The following LMO7 variants were observed in gnomAD, a reference collection of about 807,000 sequenced individuals.
LMO7 encodes LIM domain only protein 7.
A neutral mutation model predicts 206.5 loss-of-function variants in LMO7; 120 were observed. The observed-to-expected ratio is 0.58, with a 90% confidence interval of 0.50 to 0.68. The LOEUF is 0.68. Among genes scored for constraint, LMO7 ranks in the 30% least tolerant of loss-of-function variants. LMO7 has a pLI of 0.00. For missense variants in LMO7, 1,959 were observed against 1,957.9 expected (o/e 1.00, Z -0.01); for synonymous variants, 706 against 681.5 (o/e 1.04, Z -0.56).
At chr13:75,722,431 G>T (rs986825231) in intron 2 of LMO7, among the ~76,000 whole-genome samples, 2 of 152,028 alleles carry the variant, frequency 1.3e-5, no homozygotes, top group African/African-American at 4.8e-5. Context: ...TGGCCAAAAA[G>T]CATATGGAAA....
chr13:75,854,785 G>C (rs992614189), intron 28 of LMO7, among the ~76,000 whole-genome samples: 1 of 152,190 alleles, frequency 6.6e-6, no homozygotes, highest in African/African-American at 2.4e-5. Context: ...GATCAAGAAA[G>C]AGGGCGAAAA....
chr13:75,783,408 C>G (rs1359386132), intron 4 of LMO7, among the ~76,000 whole-genome samples: 3 of 152,144 alleles, frequency 2.0e-5, no homozygotes, highest in African/African-American at 7.2e-5. Context: ...CTGCAAACTC[C>G]TGCCTCCTGG....
At chr13:75,695,457 CTG>C (rs2041828994) in intron 1 of LMO7, among the ~76,000 whole-genome samples, 1 of 152,264 alleles carries the variant, frequency 6.6e-6, no homozygotes, top group African/African-American at 2.4e-5. Context: ...AGCGATTCTC[CTG>C]TCTCAGCCTC....
At chr13:75,797,554 G>A (rs907957708) in intron 6 of LMO7, among the ~76,000 whole-genome samples, 1 of 152,166 alleles carries the variant, frequency 6.6e-6, no homozygotes, top group Non-Finnish European at 1.5e-5. Context: ...TGTTTCATGG[G>A]TTTCTCTAAT....
intron 10 of LMO7, 44 bp downstream of exon 10, chr13:75,808,243 C>A (rs765417935): frequency 3.1e-5 from 47 of 1,528,184 alleles, no homozygotes; most frequent in Non-Finnish European, 3.8e-5. Context: ...AATGGATGGT[C>A]TTGTGTAACT....
intron 3 of LMO7, chr13:75,760,678 G>C: frequency 6.6e-7 from 1 of 1,518,552 alleles, no homozygotes; most frequent in South Asian, 1.2e-5. Context: ...AATGTTTAAC[G>C]TGCCAGTCAC....
chr13:75,713,296 ATGTG>A, intron 2 of LMO7, 44 bp downstream of exon 2: 2 of 1,339,122 alleles, frequency 1.5e-6, no homozygotes, highest in Non-Finnish European at 1.0e-6. Context: ...AAGCAAAGAT[ATGTG>A]TGTGTGTGAG....
chr13:75,653,977 G>A (rs551787695), intron 1 of LMO7, among the ~76,000 whole-genome samples: 1 of 152,140 alleles, frequency 6.6e-6, no homozygotes, highest in Non-Finnish European at 1.5e-5. Flanking sequence ...TGGATCTCTT[G>A]ATAAAGAGTG....
At chr13:75,818,260 G>C (rs2057248338) in intron 12 of LMO7, among the ~76,000 whole-genome samples, 1 of 152,100 alleles carries the variant, frequency 6.6e-6, no homozygotes, top group African/African-American at 2.4e-5. Flanking sequence ...TTATGCTATA[G>C]GACTAAATGC....
intron 1 of LMO7, among the ~76,000 whole-genome samples, chr13:75,691,048 C>A (rs990616506): frequency 6.6e-6 from 1 of 152,030 alleles, no homozygotes; most frequent in Non-Finnish European, 1.5e-5. Context: ...TTTATTCATA[C>A]ATATTTTACA....
rs919789559 is a variant in LMO7, at chr13:75,834,262, A to G, written c.3101A>G (p.Asp1034Gly). ...PAEFSQLQVD[D>G]EIIAINNTKF... ...GAATTTTCTCAGCTACAAGTAGATG[A>G]TGAAATTATTGCTATTAACAACACC... The change falls in exon 17 of 31, where the codon GAT (aspartate) becomes GGT (glycine). Residue 1034 changes from aspartate to glycine, a missense_variant. Coordinates refer to ENST00000377534, the MANE Select transcript of LMO7 (RefSeq NM_001306080.2). 4.4e-6 allele frequency: 7 copies of G among 1,608,754 alleles called. No homozygotes were observed. The highest frequency in any genetic ancestry group is 5.9e-6 in the Non-Finnish European group (7 of 1,177,672).
intron 3 of LMO7, among the ~76,000 whole-genome samples, chr13:75,745,069 A>G (rs2046726922): frequency 6.6e-6 from 1 of 152,220 alleles, no homozygotes; most frequent in Admixed American, 6.5e-5. Flanking sequence ...TATGAGAAGC[A>G]TTTTAGAAAC....
At chr13:75,760,334 G>A (rs955866678) in intron 3 of LMO7, 5 of 994,448 alleles carry the variant, frequency 5.0e-6, no homozygotes, top group Non-Finnish European at 6.0e-6. Context: ...CACAAACTAT[G>A]CAATTTAGCC....
chr13:75,664,423 T>G (rs1475992274), intron 1 of LMO7, among the ~76,000 whole-genome samples: 1 of 152,200 alleles, frequency 6.6e-6, no homozygotes, highest in East Asian at 1.9e-4. Context: ...TATCTGTTCA[T>G]CTGCTGATGG....
chr13:75,680,873 A>C (rs1331108303), intron 1 of LMO7, among the ~76,000 whole-genome samples: 2 of 151,984 alleles, frequency 1.3e-5, no homozygotes, highest in Non-Finnish European at 2.9e-5. Context: ...TGCCATTTTG[A>C]CTGGTATCTC....
At position 75,859,560 on chromosome 13, in the gene LMO7, T is replaced by G. The variant is rs1447508513; in HGVS notation, c.*1617T>G. ...GTTTCTAAGATCAAACATTTTAATA[T>G]GTGCATGTTATATATAAATATGTAA... On this transcript the variant is annotated 3_prime_UTR_variant, in exon 31 of 31. Transcript: ENST00000377534. 6.6e-6 allele frequency: 1 copy of G among 152,252 alleles called. No individual in the cohort carries two copies. Among genetic ancestry groups the G allele is most frequent in the Non-Finnish European group, 1.5e-5 (1 of 68,050 alleles). The allele number at this position is 152,252 out of a possible 1,614,324, so 9.4% of individuals were successfully genotyped here. A position where few individuals can be genotyped will look rare whatever the true frequency, so the allele number is the denominator to read the frequency against.
chr13:75,773,962 T>G (rs1361426702), intron 4 of LMO7, among the ~76,000 whole-genome samples: 1 of 152,076 alleles, frequency 6.6e-6, no homozygotes, highest in African/African-American at 2.4e-5. Context: ...TGCCTATGCT[T>G]TCTTGCTGGT....
chr13:75,830,236 A>C (rs1040966697), intron 15 of LMO7, among the ~76,000 whole-genome samples: 6 of 152,142 alleles, frequency 3.9e-5, no homozygotes, highest in African/African-American at 1.4e-4. Context: ...TTCAGGAATA[A>C]TTTACTGTAA....
Position 75,636,363 on chromosome 13 carries a change from G to T in LMO7, c.-295G>T. 8.0e-7 allele frequency: 1 copy of T among 1,247,958 alleles called. No homozygotes were observed. The highest frequency in any genetic ancestry group is 1.0e-6 in the Non-Finnish European group (1 of 991,536). The allele number at this position is 1,247,958 out of a possible 1,614,324, so 77.3% of individuals were successfully genotyped here. A position where few individuals can be genotyped will look rare whatever the true frequency, so the allele number is the denominator to read the frequency against. On this transcript the variant is annotated 5_prime_UTR_variant, in exon 1 of 31. Coordinates refer to ENST00000377534, the MANE Select transcript of LMO7 (RefSeq NM_001306080.2). ...GTCGGGGCTGGTGCCGCGCGCTGCCGCTGGGCACCCGCTTCGCTTCCCGCG... is the reference window on the plus strand; with the variant it reads ...GTCGGGGCTGGTGCCGCGCGCTGCCTCTGGGCACCCGCTTCGCTTCCCGCG...
Sources: allele counts gnomAD v4.1 joint callset (sites outside exome capture counted in the v4.1 genomes callset), GRCh38; gene constraint gnomAD v4.1.1; transcripts MANE v1.5; gene names NCBI Gene and HGNC (gene_info 2026-07-23, HGNC 2026-07-21).